The following SH3RF2 variants were observed in gnomAD, a reference collection of about 807,000 sequenced individuals.
SH3RF2 encodes E3 ubiquitin-protein ligase SH3RF2.
Under a neutral mutation model 59.0 loss-of-function variants are expected in SH3RF2, and 43 were observed. The observed-to-expected ratio is 0.73, with a 90% CI of 0.57 to 0.94. The LOEUF is 0.94. Ranked by LOEUF, SH3RF2 falls within the 40% of genes least tolerant of loss-of-function variation. SH3RF2 has a pLI of 0.00. For missense variants in SH3RF2, 930 were observed against 940.1 expected, an observed-to-expected ratio of 0.99 and a Z score of 0.14; for synonymous variants, 391 against 391.5, an observed-to-expected ratio of 1.00 and a Z score of 0.01.
chr5:146,005,661 C>G (rs890960000), intron 4 of SH3RF2, among the ~76,000 whole-genome samples: 1 of 152,142 alleles, frequency 6.6e-6, no homozygotes, highest in Non-Finnish European at 1.5e-5. Flanking sequence ...GCTGGGACCC[C>G]TTTCAGATAC....
intron 5 of SH3RF2, among the ~76,000 whole-genome samples, chr5:146,022,749 T>C (rs1384303491): frequency 1.3e-5 from 2 of 151,978 alleles, no homozygotes; most frequent in African/African-American, 4.8e-5. Context: ...GGCGCATGCC[T>C]GTAGTCCCAG....
At chr5:146,057,973 T>C (rs1326321346) in intron 8 of SH3RF2, among the ~76,000 whole-genome samples, 1 of 84,732 alleles carries the variant, frequency 1.2e-5, no homozygotes, top group Non-Finnish European at 3.4e-5. Context: ...TCTCTCTATC[T>C]ATCTATCTAT....
intron 2 of SH3RF2, among the ~76,000 whole-genome samples, chr5:145,974,823 T>C (rs530491777): frequency 6.6e-6 from 1 of 152,170 alleles, no homozygotes; most frequent in African/African-American, 2.4e-5. Context: ...AAATGAGAGA[T>C]AACAGAGCTT....
intron 3 of SH3RF2, among the ~76,000 whole-genome samples, chr5:146,002,141 G>C (rs1164267981): frequency 6.6e-6 from 1 of 152,126 alleles, no homozygotes; most frequent in Non-Finnish European, 1.5e-5. Context: ...AGTCAGATAG[G>C]GTAGACCGAC....
In SH3RF2 at chr5:145,986,002, CAAATAAAT is replaced by C. The variant is rs5871949; in HGVS notation, c.379-14019_379-14012del. Among the ~76,000 whole-genome samples, 617 of 144,252 alleles carry C rather than the reference CAAATAAAT, an allele frequency of 4.3e-3. 1 individual carries two copies. The highest frequency in any genetic ancestry group is 9.1e-3 in the African/African-American group (362 of 39,776). The allele number at this position is 144,252 out of a possible 152,430, so 94.6% of individuals were successfully genotyped here. On this transcript the variant is annotated intron_variant, in intron 2 of 9. Coordinates refer to ENST00000359120, the MANE Select transcript of SH3RF2 (RefSeq NM_152550.4). Reference sequence around the variant, plus strand: ...CTGGGCAACAGAGCAAGACTTGTCTCAAATAAATAAATAAATAAATAAATAAATAAATA... The same window carrying C: ...CTGGGCAACAGAGCAAGACTTGTCTCAAATAAATAAATAAATAAATAAATA...
intron 2 of SH3RF2, among the ~76,000 whole-genome samples, chr5:145,982,840 G>A (rs776282219): frequency 2.6e-5 from 4 of 152,196 alleles, no homozygotes; most frequent in Non-Finnish European, 4.4e-5. Flanking sequence ...TTTAAGCTGA[G>A]ACCTAAAAGA....
At chr5:145,963,016 G>C (rs760315635) in intron 2 of SH3RF2, among the ~76,000 whole-genome samples, 5 of 148,762 alleles carry the variant, frequency 3.4e-5, no homozygotes, top group Non-Finnish European at 5.9e-5. Context: ...TCCTGTCTCA[G>C]CCACCCGAGT....
chr5:145,954,974 T>C (rs1758337781), intron 2 of SH3RF2, among the ~76,000 whole-genome samples: 2 of 152,188 alleles, frequency 1.3e-5, no homozygotes, highest in South Asian at 2.1e-4. Context: ...TTTTAAATGA[T>C]TGGATCTCAT....
Position 145,965,299 on chromosome 5 carries a change from G to A in SH3RF2, c.378+26993G>A, listed in dbSNP as rs373951170. Among the ~76,000 whole-genome samples, 23 of 152,210 alleles carry A rather than the reference G, an allele frequency of 1.5e-4. No individual in the cohort carries two copies. The East Asian group carries it at 3.3e-3, about 22-fold the overall frequency. On this transcript the variant is annotated intron_variant, in intron 2 of 9. Transcript: ENST00000359120. ...AAATGGCACGGCCTGTTTTGTCAAT[G>A]GTGTTGACCCTCAGGCAATGTCTGA... is the stretch of plus-strand genomic sequence containing the variant.
At chr5:145,982,644 G>A (rs1759547138) in intron 2 of SH3RF2, among the ~76,000 whole-genome samples, 1 of 152,188 alleles carries the variant, frequency 6.6e-6, no homozygotes, top group South Asian at 2.1e-4. Flanking sequence ...ACTGCACTAG[G>A]CACTGAGATC....
intron 5 of SH3RF2, among the ~76,000 whole-genome samples, chr5:146,032,578 C>A (rs1761779940): frequency 6.6e-6 from 1 of 152,108 alleles, no homozygotes; most frequent in African/African-American, 2.4e-5. Flanking sequence ...TGGCCAGTGA[C>A]CGAGGGGTGA....
At chr5:146,020,270 G>T (rs1002411712) in intron 5 of SH3RF2, among the ~76,000 whole-genome samples, 2 of 152,020 alleles carry the variant, frequency 1.3e-5, no homozygotes, top group African/African-American at 4.8e-5. Context: ...TTCACTTCCT[G>T]GTCTCCCAGG....
chr5:146,049,348 A>T, intron 7 of SH3RF2, 103 bp downstream of exon 7: 1 of 1,339,420 alleles, frequency 7.5e-7, no homozygotes, highest in Non-Finnish European at 1.0e-6. Flanking sequence ...TTCAGAAAAC[A>T]GGCCAAGAAA....
chr5:146,056,273 G>A, intron 8 of SH3RF2, 60 bp downstream of exon 8: 1 of 1,608,466 alleles, frequency 6.2e-7, no homozygotes, highest in African/African-American at 1.3e-5. Flanking sequence ...TCTGACCCAG[G>A]GGTACACAGG....
intron 5 of SH3RF2, among the ~76,000 whole-genome samples, chr5:146,027,087 G>A (rs1444873424): frequency 6.6e-6 from 1 of 152,194 alleles, no homozygotes; most frequent in Non-Finnish European, 1.5e-5. Flanking sequence ...ATGATCTGTT[G>A]GAGCCTGCTT....
chr5:145,939,636 A>G (rs1178461706), intron 2 of SH3RF2, among the ~76,000 whole-genome samples: 1 of 152,150 alleles, frequency 6.6e-6, no homozygotes, highest in Non-Finnish European at 1.5e-5. Context: ...AAGGGTTTGG[A>G]ACTCTTTTTA....
At chr5:145,998,442 T>G (rs1760256934) in intron 2 of SH3RF2, among the ~76,000 whole-genome samples, 1 of 152,128 alleles carries the variant, frequency 6.6e-6, no homozygotes, top group Non-Finnish European at 1.5e-5. Flanking sequence ...TAGAAAGATG[T>G]GTTTCCCTCT....
downstream of SH3RF2, among the ~76,000 whole-genome samples, chr5:146,063,670 G>A (rs1762975557): frequency 6.6e-6 from 1 of 152,258 alleles, no homozygotes; most frequent in South Asian, 2.1e-4. Flanking sequence ...GACCAGCCTG[G>A]CCAACATGAT....
At chr5:145,978,156 A>G (rs1759366948) in intron 2 of SH3RF2, among the ~76,000 whole-genome samples, 2 of 152,228 alleles carry the variant, frequency 1.3e-5, no homozygotes, top group African/African-American at 4.8e-5. Context: ...TTATCTGCAA[A>G]AAATCATATT....
Sources: gnomAD v4.1 joint callset for allele counts (sites outside exome capture counted in the v4.1 genomes callset) on GRCh38, gnomAD v4.1.1 for gene constraint, MANE v1.5 for transcripts, NCBI Gene and HGNC (gene_info 2026-07-23, HGNC 2026-07-21) for gene names.